NTF3: variants seen among roughly 807,000 people sequenced by gnomAD.
The protein encoded by NTF3 is neurotrophin-3.
NTF3 carries 8 observed loss-of-function variants against 26.3 expected under a neutral mutation model. The ratio of observed to expected loss-of-function variants is 0.30; its 90% CI spans 0.18 to 0.55. The LOEUF (loss-of-function observed/expected upper bound fraction) is 0.55, where lower values mean the gene tolerates loss of function less well. Among genes scored for constraint, NTF3 ranks in the 20% least tolerant of loss-of-function variants. The pLI is 0.93. For synonymous variants in NTF3, 154 were observed against 145.5 expected, an observed-to-expected ratio of 1.06 and a Z score of -0.42; for missense variants, 276 against 352.9, an observed-to-expected ratio of 0.78 and a Z score of 1.75.
chr12:5,447,000 A>T (rs1271286846), intron 1 of NTF3, among the ~76,000 whole-genome samples: 1 of 152,166 alleles, frequency 6.6e-6, no homozygotes, highest in Non-Finnish European at 1.5e-5. Context: ...CTTCTTCTGC[A>T]CCAAGTACTG....
intron 1 of NTF3, among the ~76,000 whole-genome samples, chr12:5,483,199 ATCTCTC>A (rs144003087): frequency 2.4e-4 from 32 of 134,432 alleles, no homozygotes; most frequent in Non-Finnish European, 3.9e-4. Flanking sequence ...CTCTCTTTCT[ATCTCTC>A]TCTCTCTCTC....
intron 1 of NTF3, among the ~76,000 whole-genome samples, chr12:5,439,135 C>T (rs9888338): frequency 0.74 from 112,692 of 152,098 alleles, 42,400 homozygotes; most frequent in East Asian, 0.9. Context: ...TCAGCTTCCA[C>T]GTGAATGTCT....
At chr12:5,491,716 CTT>C (rs5796156) in intron 1 of NTF3, among the ~76,000 whole-genome samples, 207 of 98,256 alleles carry the variant, frequency 2.1e-3, no homozygotes, top group Middle Eastern at 0.013. Flanking sequence ...CTCTCCTCTT[CTT>C]TTTTTTTTTT....
chr12:5,458,036 A>G (rs1940475056), intron 1 of NTF3, among the ~76,000 whole-genome samples: 1 of 152,090 alleles, frequency 6.6e-6, no homozygotes, highest in South Asian at 2.1e-4. Context: ...TCTACTTGAA[A>G]TCTTATAATG....
Position 5,460,252 on chromosome 12 carries a change from G to C in NTF3, c.18+27910G>C, listed in dbSNP as rs61907698. 3.7e-3 allele frequency among the ~76,000 whole-genome samples: 558 copies of C among 152,138 alleles called. 4 individuals carry two copies. Among genetic ancestry groups the C allele is most frequent in the Non-Finnish European group, 6.4e-3 (436 of 68,008 alleles). Reference sequence around the variant, plus strand: ...ATTCTTTGTGTTTTACAGTTTTATGGGTTATGACAAATGCATAATGTTATG... The same window carrying C: ...ATTCTTTGTGTTTTACAGTTTTATGCGTTATGACAAATGCATAATGTTATG... On this transcript the variant is annotated intron_variant, in intron 1 of 1. Coordinates refer to ENST00000423158, the MANE Select transcript of NTF3 (RefSeq NM_001102654.2).
intron 1 of NTF3, among the ~76,000 whole-genome samples, chr12:5,443,381 C>G (rs1940263756): frequency 6.6e-6 from 1 of 152,094 alleles, no homozygotes; most frequent in Admixed American, 6.5e-5. Flanking sequence ...GGAAGGATAC[C>G]TGGATGCAGG....
chr12:5,491,153 T>G (rs1940931476), intron 1 of NTF3, among the ~76,000 whole-genome samples: 2 of 152,218 alleles, frequency 1.3e-5, no homozygotes, highest in African/African-American at 4.8e-5. Context: ...ACAGCTCACT[T>G]CACCACAACT....
chr12:5,454,191 G>A (rs775012680), intron 1 of NTF3, among the ~76,000 whole-genome samples: 3 of 151,954 alleles, frequency 2.0e-5, no homozygotes, highest in Non-Finnish European at 4.4e-5. Context: ...GCTGCCCCAC[G>A]CCTTCTCCTA....
rs534420238 is a variant in NTF3, at chr12:5,436,225, T to C, written c.18+3883T>C. On this transcript the variant is annotated intron_variant, in intron 1 of 1. Coordinates refer to ENST00000423158, the MANE Select transcript of NTF3 (RefSeq NM_001102654.2). ...GGTTCTGACCACCGTTGGGCATATG[T>C]TTGGGAGGACTTTATTTGACTCATG... Among the ~76,000 whole-genome samples, 102 of 152,280 alleles carry C rather than the reference T, an allele frequency of 6.7e-4. 1 individual carries two copies. Among genetic ancestry groups the C allele is most frequent in the African/African-American group, 2.4e-3 (99 of 41,566 alleles).
intron 1 of NTF3, among the ~76,000 whole-genome samples, chr12:5,454,856 G>A (rs928578005): frequency 6.6e-6 from 1 of 152,206 alleles, no homozygotes. Context: ...AAAGTATAGC[G>A]AGCAGAGCGG....
At chr12:5,441,916 TCTC>T (rs1255116223) in intron 1 of NTF3, among the ~76,000 whole-genome samples, 3 of 152,340 alleles carry the variant, frequency 2.0e-5, no homozygotes, top group Non-Finnish European at 2.9e-5. Context: ...CCTGCTTAGT[TCTC>T]CTGCAAATTG....
chr12:5,482,807 CT>C (rs369366749), intron 1 of NTF3, among the ~76,000 whole-genome samples: 211 of 151,476 alleles, frequency 1.4e-3, no homozygotes, highest in African/African-American at 4.8e-3. Context: ...CTGTATCGCT[CT>C]TTTTTTTCAA....
intron 1 of NTF3, among the ~76,000 whole-genome samples, chr12:5,463,908 C>T (rs1369403902): frequency 2.0e-5 from 3 of 152,076 alleles, no homozygotes; most frequent in South Asian, 2.1e-4. Flanking sequence ...GGCATAATAA[C>T]GAAATAAATA....
chr12:5,467,228 C>CAAAAAAAAAAAAAAAAAA (rs60794349), intron 1 of NTF3, among the ~76,000 whole-genome samples: 2 of 49,540 alleles, frequency 4.0e-5, no homozygotes, highest in African/African-American at 1.9e-4. Flanking sequence ...GACTCCGTCT[C>CAAAAAAAAAAAAAAAAAA]AAAAAAAAAA....
chr12:5,486,880 GGTGTGT>G (rs10527557), intron 1 of NTF3, among the ~76,000 whole-genome samples: 24,832 of 148,682 alleles, frequency 0.17, 2,425 homozygotes, highest in African/African-American at 0.29. Flanking sequence ...GTAGTTACGT[GGTGTGT>G]GTGTGTGTGT....
At chr12:5,468,119 C>T (rs143059512) in intron 1 of NTF3, among the ~76,000 whole-genome samples, 193 of 152,286 alleles carry the variant, frequency 1.3e-3, no homozygotes, top group African/African-American at 4.5e-3. Flanking sequence ...ACAGTCTCTT[C>T]GATGCTATCA....
At position 5,494,935 on chromosome 12, in the gene NTF3, C is replaced by T. The variant is rs1940990172; in HGVS notation, c.760C>T (p.Arg254Trp). 2 of 1,613,932 alleles carry T rather than the reference C, an allele frequency of 1.2e-6. No individual in the cohort carries two copies. Among genetic ancestry groups the T allele is most frequent in the African/African-American group, 1.3e-5 (1 of 74,868 alleles). The change falls in exon 2 of 2, where the codon CGG becomes TGG. Residue 254 changes from arginine (R) to tryptophan (W), a missense_variant. Physicochemically the swap from Arg to Trp is moderately radical, Grantham distance 101. Transcript: ENST00000423158. This position sits in a 1 kb window ranked among gnomAD's most constrained non-coding sequence, Gnocchi z 8.3. ...NNKLVGWRWI[R>W]IDTSCVCALS... Reference sequence around the variant, plus strand: ...TAAACTCGTGGGCTGGCGGTGGATACGGATAGACACGTCCTGTGTGTGTGC... The same window carrying T: ...TAAACTCGTGGGCTGGCGGTGGATATGGATAGACACGTCCTGTGTGTGTGC...
intron 1 of NTF3, among the ~76,000 whole-genome samples, chr12:5,474,308 A>C (rs1304866338): frequency 6.6e-6 from 1 of 152,268 alleles, no homozygotes; most frequent in Non-Finnish European, 1.5e-5. Context: ...TGGTTGTAAA[A>C]GAATGCGGTA....
intron 1 of NTF3, among the ~76,000 whole-genome samples, chr12:5,481,860 A>ACAT (rs367566171): frequency 1.3e-5 from 2 of 150,916 alleles, no homozygotes; most frequent in Non-Finnish European, 3.0e-5. Flanking sequence ...CACACACAAA[A>ACAT]ACATACACAG....
Sources: gnomAD v4.1 joint callset for allele counts (sites outside exome capture counted in the v4.1 genomes callset) on GRCh38, gnomAD v4.1.1 for gene constraint, Gnocchi (gnomAD v3.1) non-coding constraint, MANE v1.5 for transcripts, NCBI Gene and HGNC (gene_info 2026-07-23, HGNC 2026-07-21) for gene names.